Variants in MTUS1 observed in about 807,000 individuals in gnomAD.
The protein encoded by MTUS1 is microtubule associated scaffold protein 1.
A neutral mutation model predicts 120.8 loss-of-function variants in MTUS1; 109 were observed. The observed-to-expected ratio is 0.90, with a 90% CI of 0.77 to 1.06. MTUS1 has a LOEUF of 1.06. Among genes scored for constraint, MTUS1 ranks in the 50% least tolerant of loss-of-function variants. MTUS1 has a pLI of 0.00. For missense variants in MTUS1, 2,210 were observed against 1,486.3 expected, an observed-to-expected ratio of 1.49 and a Z score of -8.01; for synonymous variants, 737 against 550.5, an observed-to-expected ratio of 1.34 and a Z score of -4.74.
At chr8:17,687,990 T>G (rs1041955429) in intron 6 of MTUS1, among the ~76,000 whole-genome samples, 6 of 152,154 alleles carry the variant, frequency 3.9e-5, no homozygotes, top group Non-Finnish European at 8.8e-5. Context: ...CATTAAGACA[T>G]GGACTAACCG....
At chr8:17,665,873 G>C (rs1175351434) in intron 8 of MTUS1, among the ~76,000 whole-genome samples, 1 of 152,110 alleles carries the variant, frequency 6.6e-6, no homozygotes, top group Non-Finnish European at 1.5e-5. Context: ...CCTATACTGG[G>C]TAGTGCTGAC....
intron 6 of MTUS1, among the ~76,000 whole-genome samples, chr8:17,690,560 C>A (rs1447362079): frequency 6.6e-6 from 1 of 152,144 alleles, no homozygotes; most frequent in Non-Finnish European, 1.5e-5. Flanking sequence ...AAGAAAAACA[C>A]AGACTATCTT....
chr8:17,762,797 C>T (rs531309986), intron 1 of MTUS1, among the ~76,000 whole-genome samples: 13 of 152,268 alleles, frequency 8.5e-5, no homozygotes, highest in Admixed American at 5.2e-4. Flanking sequence ...GGTTGGTCAA[C>T]TGACTGATTC....
At chr8:17,720,715 T>G (rs2045771344) in intron 4 of MTUS1, among the ~76,000 whole-genome samples, 1 of 152,228 alleles carries the variant, frequency 6.6e-6, no homozygotes, top group African/African-American at 2.4e-5. Flanking sequence ...GTTCATGACA[T>G]ACAATATATC....
At position 17,645,588 on chromosome 8, in the gene MTUS1, C is replaced by T; in HGVS notation, c.*338G>A. The T allele has an allele frequency of 4.9e-6, 1 of 202,122 alleles. No individual in the cohort carries two copies. The highest frequency in any genetic ancestry group is 9.9e-6 in the Non-Finnish European group (1 of 100,530). The allele number at this position is 202,122 out of a possible 1,614,324, so 12.5% of individuals were successfully genotyped here. The stretch of plus-strand genomic sequence containing the variant: ...GAAGAACATTACAAAGGTTATAAAT[C>T]TTAATAGGGCCCTGAGAGTTTTTCC... On this transcript the variant is annotated 3_prime_UTR_variant, in exon 15 of 15. Transcript: ENST00000693296.
chr8:17,749,194 CA>C (rs2047999397), intron 2 of MTUS1, among the ~76,000 whole-genome samples: 3 of 152,228 alleles, frequency 2.0e-5, no homozygotes, highest in African/African-American at 7.2e-5. Context: ...ACTGATAGAA[CA>C]GACTCTTTTA....
At chr8:17,746,234 A>G (rs7462483) in intron 2 of MTUS1, among the ~76,000 whole-genome samples, 2 of 152,124 alleles carry the variant, frequency 1.3e-5, no homozygotes, top group Non-Finnish European at 2.9e-5. Flanking sequence ...TGCTGTTTCA[A>G]TTGCCACGTG....
At chr8:17,736,864 C>T (rs528805992) in intron 3 of MTUS1, among the ~76,000 whole-genome samples, 2 of 152,272 alleles carry the variant, frequency 1.3e-5, no homozygotes, top group South Asian at 4.2e-4. Context: ...GGATTATAGG[C>T]GTGAGCCACC....
In MTUS1 at chr8:17,701,001, A is replaced by G. The variant is rs189480571; in HGVS notation, c.2623+12213T>C. Among the ~76,000 whole-genome samples, 294 of 152,292 alleles carry G rather than the reference A, an allele frequency of 1.9e-3. 2 individuals are homozygous for G. The South Asian group carries it at 0.021, about 11-fold the overall frequency. On this transcript the variant is annotated intron_variant, in intron 6 of 14. Coordinates refer to ENST00000693296, the MANE Select transcript of MTUS1 (RefSeq NM_001363059.2). ...ATGATTCTAGACAAGAATCTAGCATAATCTGTATGGGGTGCTTAGATGCTA... is the reference window on the plus strand; with the variant it reads ...ATGATTCTAGACAAGAATCTAGCATGATCTGTATGGGGTGCTTAGATGCTA...
rs1563333538 is a variant in MTUS1, at chr8:17,755,417, T to C, written c.391A>G (p.Ser131Gly). The C allele has an allele frequency of 6.2e-7, 1 of 1,614,222 alleles. No homozygotes were observed. The highest frequency in any genetic ancestry group is 1.1e-5 in the South Asian group (1 of 91,088). ...CHSLEAVEGQ[S>G]VEPSLPFVWK... ...ACAAAAGGCAAAGATGGCTCAACAC[T>C]CTGGCCCTCAACTGCTTCTAGGGAA... The change falls in exon 2 of 15, where the codon AGT (serine) becomes GGT (glycine). Residue 131 changes from serine (S) to glycine (G), a missense_variant. By Grantham distance (56) the Ser-to-Gly change is moderately conservative (BLOSUM62 0). Coordinates refer to ENST00000693296, the MANE Select transcript of MTUS1 (RefSeq NM_001363059.2).
intron 1 of MTUS1, among the ~76,000 whole-genome samples, chr8:17,764,638 A>T (rs2049319869): frequency 6.6e-6 from 1 of 152,226 alleles, no homozygotes; most frequent in African/African-American, 2.4e-5. Context: ...GCTTTACAGG[A>T]TGTGCGGTCT....
At chr8:17,790,800 T>G (rs1043735885) in intron 1 of MTUS1, among the ~76,000 whole-genome samples, 1 of 152,098 alleles carries the variant, frequency 6.6e-6, no homozygotes, top group Non-Finnish European at 1.5e-5. Context: ...CAGCGTGGCC[T>G]ACATGGTGAA....
intron 8 of MTUS1, among the ~76,000 whole-genome samples, chr8:17,661,069 C>G (rs1809580175): frequency 6.6e-6 from 1 of 152,180 alleles, no homozygotes; most frequent in African/African-American, 2.4e-5. Context: ...ACTTTTCCTT[C>G]TATTACACTA....
intron 3 of MTUS1, among the ~76,000 whole-genome samples, chr8:17,733,738 T>C (rs1010073276): frequency 2.6e-5 from 4 of 152,210 alleles, no homozygotes; most frequent in Admixed American, 6.5e-5. Context: ...GGCCCTCCTC[T>C]GTATTTTCAC....
intron 13 of MTUS1, 187 bp from the exon 14 acceptor site, chr8:17,647,266 G>A: frequency 3.8e-6 from 2 of 525,760 alleles, no homozygotes; most frequent in South Asian, 2.7e-5. Flanking sequence ...AGAGCGGCTG[G>A]GTATTTTTAA....
At chr8:17,659,263 G>C (rs530036341) in intron 8 of MTUS1, among the ~76,000 whole-genome samples, 14 of 152,326 alleles carry the variant, frequency 9.2e-5, no homozygotes, top group Middle Eastern at 3.4e-3. Flanking sequence ...TACTGGAAGA[G>C]ACAACAGACA....
chr8:17,795,571 A>G (rs1449385648), intron 1 of MTUS1, among the ~76,000 whole-genome samples: 1 of 152,148 alleles, frequency 6.6e-6, no homozygotes, highest in Non-Finnish European at 1.5e-5. Context: ...TAAAGCTTCT[A>G]GGTTAGAATG....
Position 17,754,478 on chromosome 8 carries a change from G to A in MTUS1, c.1330C>T (p.Pro444Ser), listed in dbSNP as rs1312586461. The A allele has an allele frequency of 1.2e-6, 2 of 1,614,144 alleles. No homozygotes were observed. The highest frequency in any genetic ancestry group is 2.2e-5 in the East Asian group (1 of 44,878). ...TTACATTTCTCCGTCGCTTCAATCG[G>A]TGAAACAGAAAAGGTTACTTTTGTG... ...EPTKVTFSVS[P>S]IEATEKCKKV... The change falls in exon 2 of 15, where the codon CCG (proline) becomes TCG (serine). Residue 444 changes from proline to serine, a missense_variant. Pro to Ser is a moderately conservative substitution (Grantham distance 74). Coordinates refer to ENST00000693296, the MANE Select transcript of MTUS1 (RefSeq NM_001363059.2).
intron 7 of MTUS1, among the ~76,000 whole-genome samples, chr8:17,680,877 G>C (rs553100457): frequency 6.6e-6 from 1 of 152,134 alleles, no homozygotes; most frequent in South Asian, 2.1e-4. Flanking sequence ...ATTGACTCCC[G>C]GGCCTTCGTT....
Sources: gnomAD v4.1 joint callset for allele counts (sites outside exome capture counted in the v4.1 genomes callset) on GRCh38, gnomAD v4.1.1 for gene constraint, MANE v1.5 for transcripts, NCBI Gene and HGNC (gene_info 2026-07-23, HGNC 2026-07-21) for gene names.